Variants in AP3B1 observed in about 807,000 individuals in gnomAD.
AP3B1 encodes the protein AP-3 complex subunit beta-1.
AP3B1 carries 61 observed loss-of-function variants against 132.5 expected under a neutral mutation model. The ratio of observed to expected loss-of-function variants is 0.46; its 90% CI spans 0.37 to 0.57. The LOEUF is 0.57. Among genes scored for constraint, AP3B1 ranks in the 20% least tolerant of loss-of-function variants. The pLI, the probability that AP3B1 is intolerant of heterozygous loss-of-function variation, is 0.00. For synonymous variants in AP3B1, 388 were observed against 438.3 expected, an observed-to-expected ratio of 0.89 and a Z score of 1.43; for missense variants, 1,120 against 1,289.4, an observed-to-expected ratio of 0.87 and a Z score of 2.01.
At chr5:78,242,346 T>C (rs972576165) in intron 2 of AP3B1, among the ~76,000 whole-genome samples, 1 of 152,068 alleles carries the variant, frequency 6.6e-6, no homozygotes, top group East Asian at 1.9e-4. Flanking sequence ...TTTTACTCCT[T>C]CTCCCTTGCT....
chr5:78,020,777 A>G lies in AP3B1; in HGVS notation c.2907T>C (p.Asp969=), dbSNP rs1747058248. 3.1e-6 allele frequency: 5 copies of G among 1,611,672 alleles called. No individual in the cohort carries two copies. Among genetic ancestry groups the G allele is most frequent in the African/African-American group, 1.3e-5 (1 of 74,984 alleles). The change falls in exon 25 of 27, where the codon GAT becomes GAC. Residue 969 remains aspartate (D), a synonymous_variant. Coordinates refer to ENST00000255194, the MANE Select transcript of AP3B1 (RefSeq NM_003664.5). ...GTGGCTGAATATTAACATTGAAGCA[A>G]TCATCCTTGGTACTGAAGAAAAACA... The part of the protein sequence containing the change: ...TASFQLCTKD[D]CFNVNIQPPV...
intron 2 of AP3B1, among the ~76,000 whole-genome samples, chr5:78,241,452 C>G (rs1347599234): frequency 6.6e-6 from 1 of 152,076 alleles, no homozygotes; most frequent in African/African-American, 2.4e-5. Context: ...TTGCTATTTT[C>G]TATTTTCCAG....
intron 1 of AP3B1, among the ~76,000 whole-genome samples, chr5:78,294,025 C>T (rs1415833407): frequency 2.0e-5 from 3 of 152,158 alleles, no homozygotes; most frequent in African/African-American, 7.2e-5. Context: ...TAACTTCCCA[C>T]AAGCAACACT....
At chr5:78,151,376 C>T (rs914315862) in intron 14 of AP3B1, among the ~76,000 whole-genome samples, 9 of 152,142 alleles carry the variant, frequency 5.9e-5, no homozygotes, top group South Asian at 2.1e-4. Context: ...CTTGTCTGAA[C>T]GCTTGAGGTA....
chr5:78,241,001 G>T (rs1747109396), intron 2 of AP3B1, 65 bp from the exon 3 acceptor site: 4 of 1,182,346 alleles, frequency 3.4e-6, no homozygotes, highest in Admixed American at 3.5e-5. Context: ...AGAAGATTAG[G>T]TCAACAAATA....
chr5:78,136,438 A>C (rs558405872), intron 15 of AP3B1, among the ~76,000 whole-genome samples: 1 of 152,316 alleles, frequency 6.6e-6, no homozygotes, highest in South Asian at 2.1e-4. Context: ...AGGTGAAGGC[A>C]TAAAAATGCA....
chr5:78,110,150 A>G, intron 20 of AP3B1, 57 bp downstream of exon 20: 1 of 1,474,002 alleles, frequency 6.8e-7, no homozygotes, highest in Admixed American at 1.9e-5. Context: ...GGTGTTGTCT[A>G]TTTTAGTTGC....
chr5:78,045,385 A>AG, intron 22 of AP3B1, among the ~76,000 whole-genome samples: 1 of 151,266 alleles, frequency 6.6e-6, no homozygotes, highest in East Asian at 1.9e-4. Context: ...TGTCTCAAAA[A>AG]AAAAAAAAAA....
chr5:78,105,923 T>C (rs1384441926), intron 20 of AP3B1, among the ~76,000 whole-genome samples: 2 of 152,224 alleles, frequency 1.3e-5, no homozygotes, highest in African/African-American at 4.8e-5. Context: ...ATAATCCACC[T>C]GTGGTTCTCA....
At chr5:78,051,464 T>A (rs576998540) in intron 22 of AP3B1, among the ~76,000 whole-genome samples, 1 of 152,328 alleles carries the variant, frequency 6.6e-6, no homozygotes, top group South Asian at 2.1e-4. Context: ...AAACTTCTTT[T>A]GAACATAGCT....
chr5:78,243,023 C>T (rs981738017), intron 2 of AP3B1, among the ~76,000 whole-genome samples: 1 of 152,134 alleles, frequency 6.6e-6, no homozygotes, highest in Non-Finnish European at 1.5e-5. Flanking sequence ...TTAGAATCCC[C>T]GTTACCAATT....
chr5:78,224,761 G>A (rs1746334680), intron 6 of AP3B1, among the ~76,000 whole-genome samples: 1 of 151,984 alleles, frequency 6.6e-6, no homozygotes, highest in Non-Finnish European at 1.5e-5. Flanking sequence ...TAGAGATAAA[G>A]AGGAACATTT....
chr5:78,160,058 A>G (rs1743325400), intron 13 of AP3B1, among the ~76,000 whole-genome samples: 1 of 152,214 alleles, frequency 6.6e-6, no homozygotes, highest in Non-Finnish European at 1.5e-5. Context: ...TCCTACATGT[A>G]AGCAAATAGC....
intron 21 of AP3B1, among the ~76,000 whole-genome samples, chr5:78,090,037 AC>A (rs1750443239): frequency 1.3e-5 from 2 of 152,282 alleles, no homozygotes; most frequent in East Asian, 3.9e-4. Context: ...GAGAACTGAT[AC>A]CTGTAAGTTT....
chr5:78,136,922 A>T (rs1752940761), intron 15 of AP3B1, among the ~76,000 whole-genome samples: 2 of 152,154 alleles, frequency 1.3e-5, no homozygotes, highest in South Asian at 2.1e-4. Context: ...GAGAAAATGA[A>T]ATCTTGGATA....
intron 14 of AP3B1, among the ~76,000 whole-genome samples, chr5:78,146,999 A>T (rs960486154): frequency 5.3e-5 from 8 of 152,030 alleles, no homozygotes; most frequent in Admixed American, 1.3e-4. Flanking sequence ...TATCTGTTCA[A>T]GAGATATAAG....
At chr5:78,071,718 G>T (rs918979313) in intron 22 of AP3B1, among the ~76,000 whole-genome samples, 1 of 151,978 alleles carries the variant, frequency 6.6e-6, no homozygotes, top group East Asian at 1.9e-4. Flanking sequence ...ATTAAGCACT[G>T]GGAATAAAAA....
At chr5:78,082,970 C>T (rs936452259) in intron 22 of AP3B1, among the ~76,000 whole-genome samples, 3 of 152,084 alleles carry the variant, frequency 2.0e-5, no homozygotes, top group South Asian at 4.1e-4. Context: ...CACACGCCAC[C>T]ACCCCAGGCT....
intron 20 of AP3B1, 185 bp from the exon 21 acceptor site, chr5:78,101,210 T>G (rs1190512967): frequency 1.9e-6 from 1 of 531,138 alleles, no homozygotes; most frequent in Non-Finnish European, 3.4e-6. Flanking sequence ...ATAGTATTTC[T>G]TACCCACTAT....
Sources: gnomAD v4.1 joint callset for allele counts (sites outside exome capture counted in the v4.1 genomes callset) on GRCh38, gnomAD v4.1.1 for gene constraint, MANE v1.5 for transcripts, NCBI Gene and HGNC (gene_info 2026-07-23, HGNC 2026-07-21) for gene names.